MROH2B: variants seen among roughly 807,000 people sequenced by gnomAD.
The protein encoded by MROH2B is maestro heat-like repeat-containing protein family member 2B.
In MROH2B, 177 loss-of-function variants were observed where a neutral mutation model predicts 208.6. That is an observed-to-expected ratio of 0.85 (90% CI 0.75 to 0.96). The LOEUF (loss-of-function observed/expected upper bound fraction) is 0.96. MROH2B is among the 40% of genes least tolerant of loss of function. MROH2B has a pLI of 0.00. For missense variants in MROH2B, 2,002 were observed against 1,878.7 expected (o/e 1.07, Z -1.21); for synonymous variants, 728 against 659.0 (o/e 1.10, Z -1.60).
chr5:40,999,638 G>T (rs1025736455), intron 40 of MROH2B, 39 bp downstream of exon 40: 3 of 1,551,500 alleles, frequency 1.9e-6, no homozygotes, highest in East Asian at 4.6e-5. Context: ...GGTGGAAAAA[G>T]CAGACATATC....
intron 1 of MROH2B, among the ~76,000 whole-genome samples, chr5:41,069,999 G>T (rs180739235): frequency 6.6e-6 from 1 of 152,224 alleles, no homozygotes; most frequent in Non-Finnish European, 1.5e-5. Flanking sequence ...AAAAGATGCC[G>T]GATTCCTATG....
At chr5:41,018,476 T>C (rs1228996678) in intron 26 of MROH2B, 46 bp from the exon 27 acceptor site, 1 of 1,564,744 alleles carries the variant, frequency 6.4e-7, no homozygotes, top group South Asian at 1.2e-5. Flanking sequence ...TTCTTCATAT[T>C]CATCTAGTTT....
chr5:41,052,912 A>C (rs1743328351), intron 11 of MROH2B, among the ~76,000 whole-genome samples: 1 of 152,166 alleles, frequency 6.6e-6, no homozygotes, highest in Non-Finnish European at 1.5e-5. Context: ...GTTGGTGCTC[A>C]AAAAGTTTTG....
chr5:40,999,841 T>A (rs1350870871), intron 39 of MROH2B, 62 bp from the exon 40 acceptor site: 7 of 1,447,548 alleles, frequency 4.8e-6, no homozygotes, highest in Non-Finnish European at 6.7e-6. Context: ...ACATTTGGCA[T>A]CCTATAGGTC....
At chr5:41,009,869 G>A (rs1579906694) in intron 31 of MROH2B, 53 bp downstream of exon 31, 1 of 1,553,714 alleles carries the variant, frequency 6.4e-7, no homozygotes, top group Non-Finnish European at 8.7e-7. Context: ...CCTCCCCAGT[G>A]CCTTTCAGAG....
intron 33 of MROH2B, among the ~76,000 whole-genome samples, 176 bp from the exon 34 acceptor site, chr5:41,007,630 A>C (rs1310065511): frequency 6.6e-6 from 1 of 152,204 alleles, no homozygotes; most frequent in Admixed American, 6.5e-5. Context: ...CCATGGGGAC[A>C]TGCAGATGAT....
chr5:41,041,946 G>A (rs928904068), intron 19 of MROH2B, 146 bp downstream of exon 19: 22 of 427,322 alleles, frequency 5.1e-5, no homozygotes, highest in Admixed American at 2.5e-4. Flanking sequence ...TAACTTTTCC[G>A]AAAAATTCTG....
chr5:41,015,653 A>G (rs1460957819), intron 28 of MROH2B, among the ~76,000 whole-genome samples, 175 bp from the exon 29 acceptor site: 6 of 152,256 alleles, frequency 3.9e-5, no homozygotes, highest in Non-Finnish European at 8.8e-5. Context: ...GATACTCTGC[A>G]TACAATAATC....
At chr5:41,004,976 G>A (rs182103318) in intron 35 of MROH2B, 56 bp from the exon 36 acceptor site, 164 of 1,582,220 alleles carry the variant, frequency 1.0e-4, no homozygotes, top group Middle Eastern at 9.0e-4. Context: ...CCTCCTTCAG[G>A]AGAGTGCCAA....
At chr5:41,039,414 A>T (rs1158046367) in intron 20 of MROH2B, 34 bp downstream of exon 20, 2 of 1,312,070 alleles carry the variant, frequency 1.5e-6, no homozygotes. Flanking sequence ...TGGCCTTGCA[A>T]TACTGAGAAT....
intron 5 of MROH2B, among the ~76,000 whole-genome samples, chr5:41,063,023 A>G (rs1047681262): frequency 6.6e-6 from 1 of 152,152 alleles, no homozygotes; most frequent in African/African-American, 2.4e-5. Context: ...GAATGGCTGG[A>G]TGGATAGATA....
At chr5:41,004,185 A>G (rs894351066) in intron 37 of MROH2B, among the ~76,000 whole-genome samples, 161 bp downstream of exon 37, 1 of 152,232 alleles carries the variant, frequency 6.6e-6, no homozygotes, top group Non-Finnish European at 1.5e-5. Flanking sequence ...AGAGAGATAC[A>G]GGAAGCCAAC....
At chr5:41,064,000 A>G (rs1743720896) in intron 5 of MROH2B, among the ~76,000 whole-genome samples, 2 of 152,228 alleles carry the variant, frequency 1.3e-5, no homozygotes, top group East Asian at 1.9e-4. Flanking sequence ...TCATTATTAC[A>G]ATATTACATT....
chr5:41,066,104 A>G (rs909826295), intron 3 of MROH2B, among the ~76,000 whole-genome samples: 4 of 152,106 alleles, frequency 2.6e-5, no homozygotes, highest in African/African-American at 9.7e-5. Context: ...AAGTGATGCA[A>G]ATTACTGTGG....
intron 24 of MROH2B, among the ~76,000 whole-genome samples, chr5:41,024,835 C>T (rs138275197): frequency 0.051 from 7,830 of 152,300 alleles, 246 homozygotes; most frequent in Non-Finnish European, 0.076. Flanking sequence ...AACAAACTGT[C>T]TCTCAGATCA....
In MROH2B at chr5:41,032,768, T is replaced by C. The variant is rs771288284; in HGVS notation, c.2415A>G (p.Lys805=). 9 of 1,612,648 alleles carry C rather than the reference T, an allele frequency of 5.6e-6. No individual in the cohort carries two copies. The highest frequency in any genetic ancestry group is 5.9e-6 in the Non-Finnish European group (7 of 1,179,158). ...LDSLASPIRW[K]ALIAIRYLSK... ...TGAGATACCTAATGGCGATTAAGGC[T>C]TTCCACCGAATAGGGCTAGCTAAGG... The change falls in exon 24 of 42, where the codon AAA becomes AAG. Residue 805 remains lysine (K), a synonymous_variant. Transcript: ENST00000399564.
chr5:41,026,243 G>A lies in MROH2B; in HGVS notation c.2441+6499C>T, dbSNP rs1334577976. On this transcript the variant is annotated intron_variant, in intron 24 of 41. Coordinates refer to ENST00000399564, the MANE Select transcript of MROH2B (RefSeq NM_173489.5). ...TTCAATTAGGAAAAGAGGAAGTCAA[G>A]TTGTCCCTGTTTGCAGATGACATGA... Among the ~76,000 whole-genome samples, 11 of 152,188 alleles carry A rather than the reference G, an allele frequency of 7.2e-5. No individual in the cohort carries two copies. The East Asian group carries it at 1.7e-3, about 24-fold the overall frequency.
chr5:41,045,912 T>G, intron 17 of MROH2B, 59 bp from the exon 18 acceptor site: 1 of 1,209,144 alleles, frequency 8.3e-7, no homozygotes, highest in Non-Finnish European at 1.2e-6. Context: ...TTTCTTGGCA[T>G]ATTTTTGGTT....
At chr5:41,011,001 T>C (rs1219395562) in intron 30 of MROH2B, among the ~76,000 whole-genome samples, 2 of 152,148 alleles carry the variant, frequency 1.3e-5, no homozygotes, top group African/African-American at 4.8e-5. Context: ...TGTAGGAGAA[T>C]GGTCCAGGTT....
Sources: allele counts gnomAD v4.1 joint callset (sites outside exome capture counted in the v4.1 genomes callset), GRCh38; gene constraint gnomAD v4.1.1; transcripts MANE v1.5; gene names NCBI Gene and HGNC (gene_info 2026-07-23, HGNC 2026-07-21).